The following NLRP2B variants were observed in gnomAD, a reference collection of about 807,000 sequenced individuals.
NLRP2B encodes the protein NLR family pyrin domain containing 2B.
For missense variants in NLRP2B, 25 were observed against 6.8 expected, an observed-to-expected ratio of 3.70 and a Z score of -3.00; for synonymous variants, 16 against 3.5, an observed-to-expected ratio of 4.63 and a Z score of -4.03.
Position 57,678,498 on chromosome X carries a change from C to G in NLRP2B, c.*1625G>C, listed in dbSNP as rs2011731752. The G allele has an allele frequency of 1.9e-6, 1 of 513,223 alleles. No homozygotes were observed. The highest frequency in any genetic ancestry group is 3.6e-5 in the East Asian group (1 of 28,073). 42.3% of individuals were successfully genotyped at this position (513,223 alleles called of 1,213,427 possible). A position where few individuals can be genotyped will look rare whatever the true frequency, so the allele number is the denominator to read the frequency against. On this transcript the variant is annotated 3_prime_UTR_variant, in exon 1 of 1. Coordinates refer to ENST00000434992, the MANE Select transcript of NLRP2B (RefSeq NM_001319967.1). Reference sequence around the variant, plus strand: ...AGTGTCCAACCTTTTCACAATTTATCTCTCATCACAGTAATTCCTTTTTGA... The same window carrying G: ...AGTGTCCAACCTTTTCACAATTTATGTCTCATCACAGTAATTCCTTTTTGA...
At position 57,678,612 on chromosome X, in the gene NLRP2B, G is replaced by T; in HGVS notation, c.*1511C>A. ...AGCCGAATAAGAAGTGTCTTGCTTG[G>T]ATCAGGTCGGGGTTCTTGAGTCTTT... On this transcript the variant is annotated 3_prime_UTR_variant, in exon 1 of 1. Transcript: ENST00000434992. 4.3e-6 allele frequency: 2 copies of T among 463,081 alleles called. No homozygotes were observed. The highest frequency in any genetic ancestry group is 4.0e-6 in the Non-Finnish European group (1 of 251,554). The allele number at this position is 463,081 out of a possible 1,213,427, so 38.2% of individuals were successfully genotyped here. A position where few individuals can be genotyped will look rare whatever the true frequency, so the allele number is the denominator to read the frequency against.
At position 57,678,996 on chromosome X, in the gene NLRP2B, C is replaced by A; in HGVS notation, c.*1127G>T. 2.2e-6 allele frequency: 1 copy of A among 453,866 alleles called. No homozygotes were observed. The highest frequency in any genetic ancestry group is 2.8e-5 in the South Asian group (1 of 35,453). The allele number at this position is 453,866 out of a possible 1,213,427, so 37.4% of individuals were successfully genotyped here. Reference sequence around the variant, plus strand: ...CGCAAAGGAAGCGCAGGAACAGCCCCGTGCGGGTGGGGCGGGTCCTTCCCC... The same window carrying A: ...CGCAAAGGAAGCGCAGGAACAGCCCAGTGCGGGTGGGGCGGGTCCTTCCCC... On this transcript the variant is annotated 3_prime_UTR_variant, in exon 1 of 1. Transcript: ENST00000434992.
At position 57,679,914 on chromosome X, in the gene NLRP2B, G is replaced by T. The variant is rs765088835; in HGVS notation, c.*209C>A. 3.3e-6 allele frequency: 1 copy of T among 302,421 alleles called. No individual in the cohort carries two copies. The allele number at this position is 302,421 out of a possible 1,213,427, so 24.9% of individuals were successfully genotyped here. A position where few individuals can be genotyped will look rare whatever the true frequency, so the allele number is the denominator to read the frequency against. On this transcript the variant is annotated 3_prime_UTR_variant, in exon 1 of 1. Coordinates refer to ENST00000434992, the MANE Select transcript of NLRP2B (RefSeq NM_001319967.1). Reference sequence around the variant, plus strand: ...CGAAACGCCCCAGCATTTGTTTCAGGTCTATAGGTTTTGGCTCTTCTTTCC... The same window carrying T: ...CGAAACGCCCCAGCATTTGTTTCAGTTCTATAGGTTTTGGCTCTTCTTTCC...
In NLRP2B at chrX:57,677,306, C is replaced by T. The variant is rs980584756; in HGVS notation, c.*2817G>A. On this transcript the variant is annotated 3_prime_UTR_variant, in exon 1 of 1. Transcript: ENST00000434992. ...GGATTCTGGCTCAGGTCCAGAACGA[C>T]GAGGCTGTGGTTGCAGCTGAGCACA... is the stretch of plus-strand genomic sequence containing the variant. 2.1e-5 allele frequency: 8 copies of T among 384,275 alleles called. No individual in the cohort carries two copies. The highest frequency in any genetic ancestry group is 4.7e-5 in the South Asian group (2 of 42,360). The allele number at this position is 384,275 out of a possible 1,213,427, so 31.7% of individuals were successfully genotyped here.
Position 57,678,449 on chromosome X carries a change from G to T in NLRP2B, c.*1674C>A. ...TGAGACTCGTACAGACAGCACAAGA[G>T]CTCCTTCGGGTTCATCATTGTTGAG... On this transcript the variant is annotated 3_prime_UTR_variant, in exon 1 of 1. Coordinates refer to ENST00000434992, the MANE Select transcript of NLRP2B (RefSeq NM_001319967.1). 1.9e-6 allele frequency: 1 copy of T among 519,346 alleles called. No homozygotes were observed. 42.8% of individuals were successfully genotyped at this position (519,346 alleles called of 1,213,427 possible).
chrX:57,680,037 A>C lies in NLRP2B; in HGVS notation c.*86T>G, dbSNP rs2011757958. Reference sequence around the variant, plus strand: ...ATCCGCTCGGTGCATCTTTTCAAAGACCTGGATGGTCTCTATCTTCATCCA... The same window carrying C: ...ATCCGCTCGGTGCATCTTTTCAAAGCCCTGGATGGTCTCTATCTTCATCCA... On this transcript the variant is annotated 3_prime_UTR_variant, in exon 1 of 1. Transcript: ENST00000434992. The C allele has an allele frequency of 5.1e-6, 2 of 388,809 alleles. No individual in the cohort carries two copies. Among genetic ancestry groups the C allele is most frequent in the South Asian group, 1.5e-4 (2 of 13,257 alleles). The allele number at this position is 388,809 out of a possible 1,213,427, so 32.0% of individuals were successfully genotyped here.
Position 57,678,953 on chromosome X carries a change from C to T in NLRP2B, c.*1170G>A, listed in dbSNP as rs755738090. 159 of 465,217 alleles carry T rather than the reference C, an allele frequency of 3.4e-4. No homozygotes were observed. Among genetic ancestry groups the T allele is most frequent in the Non-Finnish European group, 4.7e-4 (130 of 277,322 alleles). 38.3% of individuals were successfully genotyped at this position (465,217 alleles called of 1,213,427 possible). On this transcript the variant is annotated 3_prime_UTR_variant, in exon 1 of 1. Coordinates refer to ENST00000434992, the MANE Select transcript of NLRP2B (RefSeq NM_001319967.1). ...GCCCGCAGCACGCCCCAGAGCTGTG[C>T]GCCCTGCGGGAACCGGCCGCAAAGG...
chrX:57,677,751 G>A lies in NLRP2B; in HGVS notation c.*2372C>T, dbSNP rs751257262. The A allele has an allele frequency of 2.6e-5, 11 of 416,278 alleles. No homozygotes were observed. The highest frequency in any genetic ancestry group is 3.7e-5 in the Non-Finnish European group (8 of 217,578). 34.3% of individuals were successfully genotyped at this position (416,278 alleles called of 1,213,427 possible). On this transcript the variant is annotated 3_prime_UTR_variant, in exon 1 of 1. Coordinates refer to ENST00000434992, the MANE Select transcript of NLRP2B (RefSeq NM_001319967.1). ...ACAACCTCGGCAGGAAGCATTTTGG[G>A]TGTCTCAAAGTTGTGTACAGCAACT...
In NLRP2B at chrX:57,678,684, G is replaced by GCCGT. The variant is rs770028528; in HGVS notation, c.*1435_*1438dup. The GCCGT allele has an allele frequency of 2.4e-6, 1 of 410,866 alleles. No individual in the cohort carries two copies. The highest frequency in any genetic ancestry group is 2.5e-5 in the African/African-American group (1 of 40,071). The allele number at this position is 410,866 out of a possible 1,213,427, so 33.9% of individuals were successfully genotyped here. A position where few individuals can be genotyped will look rare whatever the true frequency, so the allele number is the denominator to read the frequency against. ...GCACGTCTCCATTGTCCCAGGCGTG[G>GCCGT]CCGTCCTTGTCCTCCTCCTCCTCCT... On this transcript the variant is annotated 3_prime_UTR_variant, in exon 1 of 1. Coordinates refer to ENST00000434992, the MANE Select transcript of NLRP2B (RefSeq NM_001319967.1).
rs1405236216 is a variant in NLRP2B, at chrX:57,678,044, G to A, written c.*2079C>T. On this transcript the variant is annotated 3_prime_UTR_variant, in exon 1 of 1. Transcript: ENST00000434992. ...CAGAGGTTCCGATAAGCATCAGCTG[G>A]TGAAATGTTTTTGAACATCACTCTC... The A allele has an allele frequency of 2.1e-6, 1 of 472,950 alleles. No homozygotes were observed. The highest frequency in any genetic ancestry group is 3.5e-5 in the East Asian group (1 of 28,505). 39.0% of individuals were successfully genotyped at this position (472,950 alleles called of 1,213,427 possible). A position where few individuals can be genotyped will look rare whatever the true frequency, so the allele number is the denominator to read the frequency against.
At position 57,677,975 on chromosome X, in the gene NLRP2B, G is replaced by A; in HGVS notation, c.*2148C>T. 2.1e-6 allele frequency: 1 copy of A among 479,030 alleles called. No individual in the cohort carries two copies. Among genetic ancestry groups the A allele is most frequent in the Non-Finnish European group, 3.8e-6 (1 of 260,549 alleles). 39.5% of individuals were successfully genotyped at this position (479,030 alleles called of 1,213,427 possible). A position where few individuals can be genotyped will look rare whatever the true frequency, so the allele number is the denominator to read the frequency against. ...AGCATATCATTCTGGTCATTGCCTT[G>A]AAGGGTCAGATATCTTACAGTCTTG... On this transcript the variant is annotated 3_prime_UTR_variant, in exon 1 of 1. Coordinates refer to ENST00000434992, the MANE Select transcript of NLRP2B (RefSeq NM_001319967.1).
Position 57,679,167 on chromosome X carries a change from GC to G in NLRP2B, c.*955del. On this transcript the variant is annotated 3_prime_UTR_variant, in exon 1 of 1. Transcript: ENST00000434992. ...GTCTCCAAAGTGTCTCAGGAAATAT[GC>G]CCTCCTGTCCTTCTCCAGGAACTCC... 2 of 472,183 alleles carry G rather than the reference GC, an allele frequency of 4.2e-6. No homozygotes were observed. Among genetic ancestry groups the G allele is most frequent in the Non-Finnish European group, 7.9e-6 (2 of 253,529 alleles). The allele number at this position is 472,183 out of a possible 1,213,427, so 38.9% of individuals were successfully genotyped here.
chrX:57,677,900 G>C lies in NLRP2B; in HGVS notation c.*2223C>G. ...GTGGTGGAAAAAGACACCAACCCGAGATATTGCAGGTTACATTTTGAGTGT... is the reference window on the plus strand; with the variant it reads ...GTGGTGGAAAAAGACACCAACCCGACATATTGCAGGTTACATTTTGAGTGT... On this transcript the variant is annotated 3_prime_UTR_variant, in exon 1 of 1. Coordinates refer to ENST00000434992, the MANE Select transcript of NLRP2B (RefSeq NM_001319967.1). The C allele has an allele frequency of 2.3e-6, 1 of 433,203 alleles. No individual in the cohort carries two copies. Among genetic ancestry groups the C allele is most frequent in the Non-Finnish European group, 4.3e-6 (1 of 232,467 alleles). 35.7% of individuals were successfully genotyped at this position (433,203 alleles called of 1,213,427 possible). A position where few individuals can be genotyped will look rare whatever the true frequency, so the allele number is the denominator to read the frequency against.
Position 57,680,228 on chromosome X carries a change from C to T in NLRP2B, c.33G>A (p.Leu11=), listed in dbSNP as rs2011761573. 2.7e-6 allele frequency: 1 copy of T among 376,162 alleles called. No individual in the cohort carries two copies. The highest frequency in any genetic ancestry group is 9.0e-5 in the South Asian group (1 of 11,066). 31.0% of individuals were successfully genotyped at this position (376,162 alleles called of 1,213,427 possible). Residue 11 remains leucine (L), a synonymous_variant, in exon 1 of 1, where the codon CTG becomes CTA. Transcript: ENST00000434992. MVSSAQLDFN[L]QALLGQLSQD... ...GGCTGAGCTGTCCCAGAAGAGCCTG[C>T]AGGTTGAAGTCCAGCTGTGCAGAAG... is the stretch of plus-strand genomic sequence containing the variant.
Position 57,679,251 on chromosome X carries a change from A to G in NLRP2B, c.*872T>C. 1 of 457,840 alleles carries G rather than the reference A, an allele frequency of 2.2e-6. No individual in the cohort carries two copies. The allele number at this position is 457,840 out of a possible 1,213,427, so 37.7% of individuals were successfully genotyped here. ...CAGCCGGAGGTCTCTCAGGGCCCGCAGGCCACGTGGTGACCAGCACGGCGG... is the reference window on the plus strand; with the variant it reads ...CAGCCGGAGGTCTCTCAGGGCCCGCGGGCCACGTGGTGACCAGCACGGCGG... On this transcript the variant is annotated 3_prime_UTR_variant, in exon 1 of 1. Coordinates refer to ENST00000434992, the MANE Select transcript of NLRP2B (RefSeq NM_001319967.1).
Position 57,679,822 on chromosome X carries a change from A to G in NLRP2B, c.*301T>C, listed in dbSNP as rs144747050. On this transcript the variant is annotated 3_prime_UTR_variant, in exon 1 of 1. Transcript: ENST00000434992. ...TTTACCTGGCTTTTCTCCTTTCAAG[A>G]CTTCTTTAGCTTCTCTTAGGCTGGT... The G allele has an allele frequency of 9.1e-4, 263 of 287,705 alleles. 1 individual carries two copies. Among genetic ancestry groups the G allele is most frequent in the African/African-American group, 6.6e-3 (238 of 35,970 alleles). 23.7% of individuals were successfully genotyped at this position (287,705 alleles called of 1,213,427 possible).
Position 57,677,206 on chromosome X carries a change from A to C in NLRP2B, c.*2917T>G. 1 of 375,754 alleles carries C rather than the reference A, an allele frequency of 2.7e-6. No homozygotes were observed. 31.0% of individuals were successfully genotyped at this position (375,754 alleles called of 1,213,427 possible). A position where few individuals can be genotyped will look rare whatever the true frequency, so the allele number is the denominator to read the frequency against. ...TTCAACATTAAAGTCATCTATTTTC[A>C]ACCTGAGTGTCTGGAGGGTGCAATT... On this transcript the variant is annotated 3_prime_UTR_variant, in exon 1 of 1. Coordinates refer to ENST00000434992, the MANE Select transcript of NLRP2B (RefSeq NM_001319967.1).
Position 57,677,225 on chromosome X carries a change from T to C in NLRP2B, c.*2898A>G. ...ATTTTCAACCTGAGTGTCTGGAGGGTGCAATTTGGATGTGTCAAGGTTTCA... is the reference window on the plus strand; with the variant it reads ...ATTTTCAACCTGAGTGTCTGGAGGGCGCAATTTGGATGTGTCAAGGTTTCA... On this transcript the variant is annotated 3_prime_UTR_variant, in exon 1 of 1. Transcript: ENST00000434992. 2 of 383,279 alleles carry C rather than the reference T, an allele frequency of 5.2e-6. No individual in the cohort carries two copies. Among genetic ancestry groups the C allele is most frequent in the South Asian group, 2.4e-5 (1 of 42,177 alleles). The allele number at this position is 383,279 out of a possible 1,213,427, so 31.6% of individuals were successfully genotyped here.
Position 57,677,620 on chromosome X carries a change from AGTGGGGG to A in NLRP2B, c.*2496_*2502del, listed in dbSNP as rs2147379004. ...CAGAAACATCACCCATGTATCCCCG[AGTGGGGG>A]GTTCTTGGCCAAGCACAGGTGTGTC... On this transcript the variant is annotated 3_prime_UTR_variant, in exon 1 of 1. Coordinates refer to ENST00000434992, the MANE Select transcript of NLRP2B (RefSeq NM_001319967.1). 3.3e-6 allele frequency: 1 copy of A among 307,458 alleles called. No individual in the cohort carries two copies. The highest frequency in any genetic ancestry group is 7.5e-5 in the East Asian group (1 of 13,413). The allele number at this position is 307,458 out of a possible 1,213,427, so 25.3% of individuals were successfully genotyped here. A position where few individuals can be genotyped will look rare whatever the true frequency, so the allele number is the denominator to read the frequency against.
Sources: gnomAD v4.1 joint callset for allele counts on GRCh38, gnomAD v4.1.1 for gene constraint, MANE v1.5 for transcripts, NCBI Gene and HGNC (gene_info 2026-07-23, HGNC 2026-07-21) for gene names.